ZZZ3: variants seen among roughly 807,000 people sequenced by gnomAD.
ZZZ3 encodes ZZ-type zinc finger-containing protein 3.
ZZZ3 carries 22 observed loss-of-function variants against 95.2 expected under a neutral mutation model. The observed-to-expected ratio is 0.23, with a 90% CI of 0.17 to 0.33. The LOEUF is 0.33. Among genes scored for constraint, ZZZ3 ranks in the 10% least tolerant of loss-of-function variants. The pLI is 1.00. For missense variants in ZZZ3, 885 were observed against 1,066.5 expected (o/e 0.83, Z 2.37); for synonymous variants, 335 against 358.9 (o/e 0.93, Z 0.75).
At chr1:77,659,192 A>G (rs181176516) in intron 1 of ZZZ3, among the ~76,000 whole-genome samples, 6 of 151,932 alleles carry the variant, frequency 3.9e-5, no homozygotes, top group Admixed American at 3.9e-4. Flanking sequence ...TATATAAAAT[A>G]TATATTTCTG....
At chr1:77,567,341 C>A (rs1400256722) in intron 13 of ZZZ3, among the ~76,000 whole-genome samples, 1 of 152,174 alleles carries the variant, frequency 6.6e-6, no homozygotes, top group Non-Finnish European at 1.5e-5. Flanking sequence ...TCTAGTCTTG[C>A]CTTCCTCTAA....
At chr1:77,626,378 A>G (rs780927828) in intron 5 of ZZZ3, among the ~76,000 whole-genome samples, 1 of 152,120 alleles carries the variant, frequency 6.6e-6, no homozygotes, top group African/African-American at 2.4e-5. Context: ...TATACAACTC[A>G]CCATAATGTA....
chr1:77,640,159 T>C (rs1475374074), intron 3 of ZZZ3, among the ~76,000 whole-genome samples: 2 of 152,226 alleles, frequency 1.3e-5, no homozygotes, highest in Non-Finnish European at 2.9e-5. Flanking sequence ...TTTTGGCATA[T>C]GTATTTTTAA....
chr1:77,658,479 C>T (rs1670484590), intron 1 of ZZZ3, among the ~76,000 whole-genome samples: 2 of 150,710 alleles, frequency 1.3e-5, no homozygotes, highest in African/African-American at 4.9e-5. Flanking sequence ...GTAGCTGGGA[C>T]CTATAGTCAT....
rs1381445786 is a variant in ZZZ3, at chr1:77,632,870, C to T, written c.485G>A (p.Arg162Gln). The T allele has an allele frequency of 3.7e-6, 6 of 1,614,024 alleles. No homozygotes were observed. Among genetic ancestry groups the T allele is most frequent in the South Asian group, 2.2e-5 (2 of 91,082 alleles). ...ATCCAGTATAAGACATCGACAAGCT[C>T]GTTTAGTCCCTTGAAAATCTGCATC... ...DNDADFQGTK[R>Q]ACRCLILDDC... Residue 162 changes from arginine (R) to glutamine (Q), a missense_variant, in exon 5 of 15, where the codon CGA (arginine) becomes CAA (glutamine). Around this residue, in one of 5 missense-constraint regions of ZZZ3, gnomAD observed 556 missense variants for 652.9 expected, o/e 0.85. Transcript: ENST00000370801.
intron 1 of ZZZ3, among the ~76,000 whole-genome samples, chr1:77,665,468 C>T (rs997709029): frequency 6.6e-6 from 1 of 152,110 alleles, no homozygotes; most frequent in Non-Finnish European, 1.5e-5. Flanking sequence ...ATTGAAATTA[C>T]GTATATCAAA....
intron 9 of ZZZ3, 58 bp from the exon 10 acceptor site, chr1:77,579,686 T>G (rs1662311382): frequency 7.3e-6 from 7 of 954,564 alleles, no homozygotes. Flanking sequence ...AAATATTGGA[T>G]TTCTAAATAA....
chr1:77,637,754 T>C (rs1180639775), intron 4 of ZZZ3, among the ~76,000 whole-genome samples: 2 of 152,214 alleles, frequency 1.3e-5, no homozygotes, highest in East Asian at 3.8e-4. Flanking sequence ...AAAGCAGTTG[T>C]TTTCCTCATT....
At chr1:77,587,331 C>A (rs1663190402) in intron 5 of ZZZ3, among the ~76,000 whole-genome samples, 1 of 126,334 alleles carries the variant, frequency 7.9e-6, no homozygotes, top group African/African-American at 3.0e-5. Flanking sequence ...GTGGTGTGAT[C>A]TCGGCTCCCT....
chr1:77,624,835 G>A (rs1218348705), intron 5 of ZZZ3, among the ~76,000 whole-genome samples: 1 of 152,154 alleles, frequency 6.6e-6, no homozygotes, highest in Non-Finnish European at 1.5e-5. Context: ...TGAAGTGGGA[G>A]GCAGTCTTGT....
intron 5 of ZZZ3, among the ~76,000 whole-genome samples, chr1:77,627,128 G>A (rs911228386): frequency 1.3e-5 from 2 of 152,182 alleles, no homozygotes; most frequent in Non-Finnish European, 2.9e-5. Flanking sequence ...CTCACTGGAT[G>A]AGGTAACCAA....
At chr1:77,673,031 T>C (rs1249261454) in intron 1 of ZZZ3, among the ~76,000 whole-genome samples, 1 of 152,218 alleles carries the variant, frequency 6.6e-6, no homozygotes, top group Non-Finnish European at 1.5e-5. Flanking sequence ...CTGCTAAGTA[T>C]ACACGTCACT....
At chr1:77,653,958 G>C (rs1670036603) in intron 1 of ZZZ3, among the ~76,000 whole-genome samples, 1 of 152,092 alleles carries the variant, frequency 6.6e-6, no homozygotes. Flanking sequence ...GGAGGCCAAG[G>C]CGGGTGGATC....
At chr1:77,591,583 A>T (rs1663704601) in intron 5 of ZZZ3, among the ~76,000 whole-genome samples, 1 of 152,166 alleles carries the variant, frequency 6.6e-6, no homozygotes. Context: ...GCCTCAAGGG[A>T]TCCTCCCAGG....
At chr1:77,568,539 C>T in intron 12 of ZZZ3, 73 bp from the exon 13 acceptor site, 1 of 755,336 alleles carries the variant, frequency 1.3e-6, no homozygotes, top group Non-Finnish European at 2.0e-6. Context: ...AATACTGATA[C>T]AGAATATTTT....
In ZZZ3 at chr1:77,581,203, A is replaced by G. The variant is rs1465950814; in HGVS notation, c.1909-134T>C. Reference sequence around the variant, plus strand: ...TGAGTAAATTTGTTTTTTAATGTATATGCTTTTTTTTTAACTGTTTACAAA... The same window carrying G: ...TGAGTAAATTTGTTTTTTAATGTATGTGCTTTTTTTTTAACTGTTTACAAA... On this transcript the variant is annotated intron_variant, in intron 8 of 14. Transcript: ENST00000370801. 3 of 712,314 alleles carry G rather than the reference A, an allele frequency of 4.2e-6. No homozygotes were observed. The African/African-American group carries it at 5.4e-5, about 13-fold the overall frequency. The allele number at this position is 712,314 out of a possible 1,614,324, so 44.1% of individuals were successfully genotyped here.
At chr1:77,619,060 C>T (rs1232155365) in intron 5 of ZZZ3, among the ~76,000 whole-genome samples, 1 of 151,990 alleles carries the variant, frequency 6.6e-6, no homozygotes, top group Non-Finnish European at 1.5e-5. Flanking sequence ...AGAAAAAAAC[C>T]CCTGACAACC....
intron 1 of ZZZ3, among the ~76,000 whole-genome samples, chr1:77,666,118 G>A (rs1671229162): frequency 6.6e-6 from 1 of 152,228 alleles, no homozygotes; most frequent in Non-Finnish European, 1.5e-5. Flanking sequence ...AACTAAAACA[G>A]TATATCAAAC....
intron 1 of ZZZ3, among the ~76,000 whole-genome samples, chr1:77,663,606 A>G (rs1248442800): frequency 6.6e-6 from 1 of 152,218 alleles, no homozygotes; most frequent in Non-Finnish European, 1.5e-5. Context: ...CCAACATGGA[A>G]TGAATATCAT....
Sources: allele counts gnomAD v4.1 joint callset (sites outside exome capture counted in the v4.1 genomes callset), GRCh38; gene constraint gnomAD v4.1.1; regional missense constraint gnomAD v4.1.1; transcripts MANE v1.5; gene names NCBI Gene and HGNC (gene_info 2026-07-23, HGNC 2026-07-21).